CSMD3: variants seen among roughly 807,000 people sequenced by gnomAD.
CSMD3 encodes CUB and sushi domain-containing protein 3.
A neutral mutation model predicts 435.2 loss-of-function variants in CSMD3; 177 were observed. The ratio of observed to expected loss-of-function variants is 0.41; its 90% CI spans 0.36 to 0.46. The LOEUF (loss-of-function observed/expected upper bound fraction) is 0.46, where lower values mean the gene tolerates loss of function less well. Ranked by LOEUF, CSMD3 falls within the 20% of genes least tolerant of loss-of-function variation. The pLI, the probability that CSMD3 is intolerant of heterozygous loss-of-function variation, is 0.34. For missense variants in CSMD3, 4,265 were observed against 4,504.6 expected (o/e 0.95, Z 1.52); for synonymous variants, 1,656 against 1,520.5 (o/e 1.09, Z -2.07).
At chr8:112,516,965 A>C in intron 28 of CSMD3, 69 bp downstream of exon 28, 1 of 1,232,652 alleles carries the variant, frequency 8.1e-7, no homozygotes, top group Non-Finnish European at 1.2e-6. Context: ...TATGGTTCTT[A>C]AGAACAATAC....
In CSMD3 at chr8:112,383,623, G is replaced by A. The variant is rs2131255094; in HGVS notation, c.5975C>T (p.Ser1992Phe). 6.2e-7 allele frequency: 1 copy of A among 1,609,648 alleles called. No homozygotes were observed. The highest frequency in any genetic ancestry group is 1.7e-5 in the Admixed American group (1 of 59,984). Residue 1992 changes from serine (S) to phenylalanine (F), a missense_variant, in exon 37 of 71, where the codon TCT becomes TTT. By Grantham distance (155) the Ser-to-Phe change is radical. Coordinates refer to ENST00000297405, the MANE Select transcript of CSMD3 (RefSeq NM_198123.2). ...VSFATEHNWD[S>F]LDFYDGGDNN... ...GTCTCCCCCATCATAAAAGTCCAGA[G>A]AATCCCAATTATGTTCTGTAGCAAA...
chr8:112,428,043 TC>T (rs774341832), intron 32 of CSMD3, among the ~76,000 whole-genome samples: 1 of 152,128 alleles, frequency 6.6e-6, no homozygotes, highest in Non-Finnish European at 1.5e-5. Context: ...TTTTCACATT[TC>T]CCCCAGCTAT....
intron 2 of CSMD3, among the ~76,000 whole-genome samples, chr8:113,296,830 TGCC>T (rs1487620710): frequency 1.1e-4 from 16 of 152,254 alleles, no homozygotes; most frequent in African/African-American, 3.6e-4. Context: ...TCCAAATAGT[TGCC>T]CCATCACGAA....
At chr8:112,994,252 TAAGTG>T (rs1443636888) in intron 6 of CSMD3, among the ~76,000 whole-genome samples, 3 of 151,760 alleles carry the variant, frequency 2.0e-5, no homozygotes, top group African/African-American at 7.2e-5. Context: ...GCAAACAGCC[TAAGTG>T]AAGTAATGTT....
At chr8:113,112,377 C>T (rs1277593369) in intron 4 of CSMD3, among the ~76,000 whole-genome samples, 3 of 100,720 alleles carry the variant, frequency 3.0e-5, no homozygotes, top group Non-Finnish European at 4.0e-5. Context: ...CACAACTGAC[C>T]CAATAAAACA....
chr8:112,420,268 C>T (rs1308037369), intron 32 of CSMD3, among the ~76,000 whole-genome samples: 2 of 152,130 alleles, frequency 1.3e-5, no homozygotes, highest in South Asian at 2.1e-4. Context: ...GTGTCTCTTC[C>T]TATCCGACCT....
chr8:112,682,014 A>C (rs1370114795), intron 16 of CSMD3, among the ~76,000 whole-genome samples: 1 of 152,134 alleles, frequency 6.6e-6, no homozygotes, highest in Admixed American at 6.6e-5. Context: ...TTTTAAATAA[A>C]TGGGTGTTTT....
chr8:112,972,327 T>G (rs190319222), intron 7 of CSMD3, among the ~76,000 whole-genome samples: 1 of 152,028 alleles, frequency 6.6e-6, no homozygotes, highest in East Asian at 1.9e-4. Flanking sequence ...TATAGTAATC[T>G]CTTATATTTA....
At chr8:112,738,283 G>A (rs1026039856) in intron 13 of CSMD3, among the ~76,000 whole-genome samples, 3 of 151,616 alleles carry the variant, frequency 2.0e-5, no homozygotes, top group Admixed American at 6.6e-5. Context: ...TAATCCTTTC[G>A]AAGTGGTGGA....
At chr8:112,981,073 C>G (rs1460221849) in intron 6 of CSMD3, among the ~76,000 whole-genome samples, 1 of 151,304 alleles carries the variant, frequency 6.6e-6, no homozygotes, top group Non-Finnish European at 1.5e-5. Flanking sequence ...AAATGTATAT[C>G]TACATTGATC....
At chr8:112,512,399 G>C (rs1213413790) in intron 28 of CSMD3, among the ~76,000 whole-genome samples, 1 of 152,170 alleles carries the variant, frequency 6.6e-6, no homozygotes, top group Non-Finnish European at 1.5e-5. Context: ...ATCTCCATTA[G>C]AGCTTTTGGG....
chr8:112,232,565 T>C (rs896026782), intron 68 of CSMD3, among the ~76,000 whole-genome samples: 1 of 152,096 alleles, frequency 6.6e-6, no homozygotes, highest in Non-Finnish European at 1.5e-5. Flanking sequence ...GCTGAGATCA[T>C]GCCACTGCAC....
intron 58 of CSMD3, among the ~76,000 whole-genome samples, chr8:112,285,061 G>A (rs1337712204): frequency 6.6e-6 from 1 of 151,698 alleles, no homozygotes; most frequent in Non-Finnish European, 1.5e-5. Context: ...ACTAAAATCT[G>A]TTTGTGTAAG....
intron 24 of CSMD3, among the ~76,000 whole-genome samples, chr8:112,561,568 G>T (rs1828625694): frequency 6.6e-6 from 1 of 151,462 alleles, no homozygotes; most frequent in Non-Finnish European, 1.5e-5. Context: ...TGTTAATTCA[G>T]ATTAATATTC....
intron 7 of CSMD3, among the ~76,000 whole-genome samples, chr8:112,966,288 C>T (rs1024326856): frequency 1.1e-4 from 16 of 151,370 alleles, no homozygotes; most frequent in African/African-American, 1.7e-4. Flanking sequence ...TTTAAAGATG[C>T]TATTAAAATA....
intron 3 of CSMD3, among the ~76,000 whole-genome samples, chr8:113,182,109 A>G (rs1388447590): frequency 6.6e-6 from 1 of 152,076 alleles, no homozygotes; most frequent in Non-Finnish European, 1.5e-5. Flanking sequence ...CACCATTTCT[A>G]TCTTGTTGAA....
chr8:112,832,235 T>G (rs2132491195), intron 11 of CSMD3, among the ~76,000 whole-genome samples: 1 of 152,302 alleles, frequency 6.6e-6, no homozygotes, highest in Non-Finnish European at 1.5e-5. Context: ...TGTCTTCCAA[T>G]ATTCTAATCC....
chr8:112,514,562 C>T (rs1178104300), intron 28 of CSMD3, among the ~76,000 whole-genome samples: 1 of 152,028 alleles, frequency 6.6e-6, no homozygotes, highest in Non-Finnish European at 1.5e-5. Flanking sequence ...CTCAAAAGCC[C>T]ACTCACATTA....
At chr8:113,351,688 C>T (rs2094191303) in intron 1 of CSMD3, among the ~76,000 whole-genome samples, 3 of 152,046 alleles carry the variant, frequency 2.0e-5, no homozygotes, top group Admixed American at 2.0e-4. Flanking sequence ...TCGCTAAGTG[C>T]TTTGCAGATA....
Sources: gnomAD v4.1 joint callset for allele counts (sites outside exome capture counted in the v4.1 genomes callset) on GRCh38, gnomAD v4.1.1 for gene constraint, MANE v1.5 for transcripts, NCBI Gene and HGNC (gene_info 2026-07-23, HGNC 2026-07-21) for gene names.